Variants in MSI2 observed in about 807,000 individuals in gnomAD.
The protein encoded by MSI2 is RNA-binding protein Musashi homolog 2.
In MSI2, 17 loss-of-function variants were observed where a neutral mutation model predicts 45.6. The observed-to-expected ratio is 0.37, with a 90% CI of 0.26 to 0.56. The LOEUF (loss-of-function observed/expected upper bound fraction) is 0.56. Ranked by LOEUF, MSI2 falls within the 20% of genes least tolerant of loss-of-function variation. MSI2 has a pLI of 0.77. For synonymous variants in MSI2, 156 were observed against 158.2 expected (o/e 0.99, Z 0.11); for missense variants, 293 against 444.2 (o/e 0.66, Z 3.06).
chr17:57,262,442 A>G (rs1030818047), intron 5 of MSI2: 1 of 423,632 alleles, frequency 2.4e-6, no homozygotes, highest in Non-Finnish European at 4.2e-6. Flanking sequence ...ACGTGTTTCC[A>G]TCGACTGCAG....
rs1056108238 is a variant in MSI2, at chr17:57,468,538, A to C, written c.406-61138A>C. On this transcript the variant is annotated intron_variant, in intron 6 of 13. Coordinates refer to ENST00000284073, the MANE Select transcript of MSI2 (RefSeq NM_138962.4). Reference sequence around the variant, plus strand: ...TCTATCTCAAAAAAAAAAAAAAAAAACAAGCAGTGGCTGGCACATTGTACT... The same window carrying C: ...TCTATCTCAAAAAAAAAAAAAAAAACCAAGCAGTGGCTGGCACATTGTACT... Among the ~76,000 whole-genome samples the C allele has an allele frequency of 1.3e-3, 192 of 151,180 alleles. 2 individuals are homozygous for C. The highest frequency in any genetic ancestry group is 2.2e-3 in the Non-Finnish European group (146 of 67,786).
intron 6 of MSI2, among the ~76,000 whole-genome samples, chr17:57,439,347 C>A (rs1043129819): frequency 6.6e-6 from 1 of 152,164 alleles, no homozygotes; most frequent in African/African-American, 2.4e-5. Context: ...CGTAGTCAAA[C>A]TATGGCCTCA....
intron 10 of MSI2, among the ~76,000 whole-genome samples, chr17:57,638,410 G>A (rs1909997091): frequency 6.6e-6 from 1 of 152,186 alleles, no homozygotes; most frequent in Non-Finnish European, 1.5e-5. Context: ...TGCTGAGCAA[G>A]GGTGCAAGGA....
intron 7 of MSI2, among the ~76,000 whole-genome samples, chr17:57,544,845 A>C (rs2087127823): frequency 6.6e-6 from 1 of 152,172 alleles, no homozygotes; most frequent in Non-Finnish European, 1.5e-5. Context: ...CTTTCAAAGG[A>C]TGCTTAAACT....
chr17:57,490,873 CCT>C (rs1317521978), intron 6 of MSI2, among the ~76,000 whole-genome samples: 1 of 141,166 alleles, frequency 7.1e-6, no homozygotes, highest in Non-Finnish European at 1.5e-5. Flanking sequence ...ACTTCCTCTA[CCT>C]CTCTTTCTTC....
intron 5 of MSI2, among the ~76,000 whole-genome samples, chr17:57,383,190 A>G (rs571677427): frequency 1.3e-5 from 2 of 152,216 alleles, no homozygotes; most frequent in Admixed American, 6.5e-5. Context: ...CAACTATACA[A>G]GATTATCATA....
At chr17:57,615,616 A>G (rs575659367) in intron 8 of MSI2, among the ~76,000 whole-genome samples, 57 of 152,176 alleles carry the variant, frequency 3.7e-4, no homozygotes, top group African/African-American at 1.3e-3. Context: ...TATTATTGCT[A>G]TTGTTGTTAT....
intron 8 of MSI2, among the ~76,000 whole-genome samples, chr17:57,603,987 T>A (rs981910041): frequency 5.3e-5 from 8 of 152,252 alleles, no homozygotes; most frequent in South Asian, 2.1e-4. Context: ...TAGCAGCCTG[T>A]GGAAAGTATC....
chr17:57,300,754 A>G (rs530823662), intron 5 of MSI2, among the ~76,000 whole-genome samples: 1 of 152,364 alleles, frequency 6.6e-6, no homozygotes, highest in Admixed American at 6.5e-5. Flanking sequence ...ACATGGTGGC[A>G]GACAAGAGAG....
At chr17:57,334,957 T>G (rs1302696038) in intron 5 of MSI2, among the ~76,000 whole-genome samples, 1 of 152,090 alleles carries the variant, frequency 6.6e-6, no homozygotes, top group Non-Finnish European at 1.5e-5. Flanking sequence ...GCTTTTTTTT[T>G]TTTAACCGTG....
chr17:57,495,482 A>G (rs961705262), intron 6 of MSI2, among the ~76,000 whole-genome samples: 4 of 133,764 alleles, frequency 3.0e-5, no homozygotes, highest in East Asian at 2.4e-4. Flanking sequence ...GCAGTGAGCC[A>G]AGATTGCGCC....
intron 6 of MSI2, among the ~76,000 whole-genome samples, chr17:57,501,230 A>G (rs2143867377): frequency 1.3e-5 from 2 of 152,316 alleles, no homozygotes; most frequent in East Asian, 3.9e-4. Flanking sequence ...GCTAGGGTCC[A>G]AGCTGACCAC....
chr17:57,356,145 G>C (rs988202846), intron 5 of MSI2, among the ~76,000 whole-genome samples: 15 of 152,202 alleles, frequency 9.9e-5, no homozygotes, highest in African/African-American at 3.6e-4. Context: ...AAAGTGCTGG[G>C]ATTACAGGCT....
At chr17:57,573,074 G>A (rs1450235963) in intron 7 of MSI2, among the ~76,000 whole-genome samples, 2 of 152,214 alleles carry the variant, frequency 1.3e-5, no homozygotes, top group African/African-American at 4.8e-5. Context: ...TGTCCAATGG[G>A]AAGGCGAGGG....
At chr17:57,472,885 T>C (rs2085465992) in intron 6 of MSI2, among the ~76,000 whole-genome samples, 1 of 152,006 alleles carries the variant, frequency 6.6e-6, no homozygotes, top group South Asian at 2.1e-4. Context: ...ACAAGCCACT[T>C]TTCTTTTCTT....
chr17:57,694,292 C>G, the MSI2 span, among the ~76,000 whole-genome samples: 1 of 152,186 alleles, frequency 6.6e-6, no homozygotes, highest in African/African-American at 2.4e-5. Context: ...TTAAATTCCT[C>G]TAGCATTTTC....
In MSI2 at chr17:57,677,200, G is replaced by A. The variant is rs1347470146; in HGVS notation, c.*31+141G>A. ...TCTTTCTGGACCCCTTTTCAGGAGG[G>A]TGGGGGCAAAAGCAAATCCAGTCGT... On this transcript the variant is annotated intron_variant, in intron 13 of 13. Transcript: ENST00000284073. The A allele has an allele frequency of 7.9e-6, 5 of 634,034 alleles. No individual in the cohort carries two copies. The East Asian group carries it at 1.4e-4, about 17-fold the overall frequency. The allele number at this position is 634,034 out of a possible 1,614,324, so 39.3% of individuals were successfully genotyped here.
At chr17:57,497,510 G>T (rs754379482) in intron 6 of MSI2, among the ~76,000 whole-genome samples, 1 of 152,200 alleles carries the variant, frequency 6.6e-6, no homozygotes, top group Non-Finnish European at 1.5e-5. Context: ...GAACAGAGAG[G>T]TTCAGGAATG....
chr17:57,535,385 C>A (rs184575954), intron 7 of MSI2, among the ~76,000 whole-genome samples: 3 of 152,308 alleles, frequency 2.0e-5, no homozygotes, highest in Admixed American at 2.0e-4. Flanking sequence ...GTCTCTGAAG[C>A]TAATCCCATA....
Sources: allele counts gnomAD v4.1 joint callset (sites outside exome capture counted in the v4.1 genomes callset), GRCh38; gene constraint gnomAD v4.1.1; transcripts MANE v1.5; gene names NCBI Gene and HGNC (gene_info 2026-07-23, HGNC 2026-07-21).